MAP3K12: variants seen among roughly 807,000 people sequenced by gnomAD.
MAP3K12 encodes the protein MAPK-upstream kinase.
A neutral mutation model predicts 87.5 loss-of-function variants in MAP3K12; 14 were observed. The observed-to-expected ratio is 0.16, with a 90% CI of 0.11 to 0.25. The LOEUF (loss-of-function observed/expected upper bound fraction) is 0.25. Among genes scored for constraint, MAP3K12 ranks in the 10% least tolerant of loss-of-function variants. The pLI is 1.00. For missense variants in MAP3K12, 802 were observed against 1,140.4 expected, an observed-to-expected ratio of 0.70 and a Z score of 4.27; for synonymous variants, 469 against 452.5, an observed-to-expected ratio of 1.04 and a Z score of -0.46.
upstream of MAP3K12, chr12:53,501,523 C>G (rs1243602148): frequency 1.3e-6 from 2 of 1,548,170 alleles, no homozygotes; most frequent in Non-Finnish European, 1.7e-6. Context: ...GAGGGAGTAG[C>G]GGCGCGGCCC....
At chr12:53,501,517 G>C (rs954211634), upstream of MAP3K12, 2 of 1,549,606 alleles carry the variant, frequency 1.3e-6, no homozygotes, top group Admixed American at 2.0e-5. Context: ...CGTGCGGAGG[G>C]AGTAGCGGCG....
chr12:53,479,958 CT>C lies in MAP3K12; in HGVS notation c.*1223del, dbSNP rs1942949004. 6.6e-6 allele frequency: 1 copy of C among 152,166 alleles called. No homozygotes were observed. Among genetic ancestry groups the C allele is most frequent in the Admixed American group, 6.6e-5 (1 of 15,258 alleles). 9.4% of individuals were successfully genotyped at this position (152,166 alleles called of 1,614,324 possible). On this transcript the variant is annotated 3_prime_UTR_variant, in exon 14 of 14. Transcript: ENST00000547488. ...TAAGATGTTTTCTTCTATTTTACCA[CT>C]TCCATCTTTTTTTGTGGCCCTCGAT...
chr12:53,498,454 G>C (rs574070557), intron 1 of MAP3K12, among the ~76,000 whole-genome samples: 1 of 152,054 alleles, frequency 6.6e-6, no homozygotes, highest in African/African-American at 2.4e-5. Context: ...ACTCACCTAC[G>C]CTCCTCTGAA....
chr12:53,490,152 A>T (rs1943360255), intron 1 of MAP3K12, among the ~76,000 whole-genome samples: 1 of 152,062 alleles, frequency 6.6e-6, no homozygotes, highest in Non-Finnish European at 1.5e-5. Flanking sequence ...AAAATCTCCA[A>T]AATTAGCCGG....
chr12:53,482,386 GT>G lies in MAP3K12; in HGVS notation c.2239-18del. The stretch of plus-strand genomic sequence containing the variant: ...GCCACGTTTCTGCAGGAGAGATGGG[GT>G]GGGGGGGGTCTGATTAGAAGTGGAA... On this transcript the variant is annotated intron_variant, in intron 11 of 13. Transcript: ENST00000547488. 6.2e-7 allele frequency: 1 copy of G among 1,613,048 alleles called. No individual in the cohort carries two copies. The highest frequency in any genetic ancestry group is 8.5e-7 in the Non-Finnish European group (1 of 1,179,404).
upstream of MAP3K12, chr12:53,500,740 A>T (rs1021249730): frequency 6.5e-6 from 1 of 152,680 alleles, no homozygotes; most frequent in East Asian, 1.9e-4. Flanking sequence ...CCAGGATCCG[A>T]CGGCAGCCTC....
intron 1 of MAP3K12, among the ~76,000 whole-genome samples, chr12:53,497,109 A>G (rs1165644451): frequency 1.3e-5 from 2 of 152,212 alleles, no homozygotes; most frequent in Admixed American, 6.5e-5. Flanking sequence ...CTTTAAACAA[A>G]TTACTTAAGT....
In MAP3K12 at chr12:53,487,361, A is replaced by G; in HGVS notation, c.31T>C (p.Ser11Pro). ...GACACAAAGCCCCCAAAGGAAGGAG[A>G]GGGTGTTCGGGTCTCATGGAGGCAA... The part of the protein sequence containing the change: MACLHETRTP[S>P]PSFGGFVSTL... Residue 11 changes from serine (S) to proline (P), a missense_variant, in exon 2 of 14, where the codon TCT (serine) becomes CCT (proline). By Grantham distance (74) the Ser-to-Pro change is moderately conservative. Coordinates refer to ENST00000547488, the MANE Select transcript of MAP3K12 (RefSeq NM_001193511.2). 6.2e-7 allele frequency: 1 copy of G among 1,613,368 alleles called. No homozygotes were observed. The highest frequency in any genetic ancestry group is 8.5e-7 in the Non-Finnish European group (1 of 1,179,622).
intron 1 of MAP3K12, among the ~76,000 whole-genome samples, chr12:53,495,399 C>T (rs1366000670): frequency 1.4e-5 from 2 of 143,568 alleles, no homozygotes; most frequent in East Asian, 2.3e-4. Context: ...CCTGTAATCC[C>T]AGCAATGGAG....
chr12:53,491,364 C>T (rs1229108371), intron 1 of MAP3K12, among the ~76,000 whole-genome samples: 2 of 149,446 alleles, frequency 1.3e-5, no homozygotes, highest in South Asian at 2.1e-4. Context: ...GGTGCATTAG[C>T]ACTTTGCATA....
intron 6 of MAP3K12, 158 bp from the exon 7 acceptor site, chr12:53,484,523 A>G (rs1324239879): frequency 3.2e-6 from 2 of 617,828 alleles, no homozygotes; most frequent in African/African-American, 3.7e-5. Context: ...AGAATATTAC[A>G]CACTATTCAT....
intron 1 of MAP3K12, among the ~76,000 whole-genome samples, chr12:53,495,745 G>A (rs927035266): frequency 2.0e-5 from 3 of 151,990 alleles, no homozygotes; most frequent in African/African-American, 7.3e-5. Context: ...AGGATCCCAA[G>A]AGGAAAAGAA....
chr12:53,498,180 G>T (rs1446448343), intron 1 of MAP3K12, among the ~76,000 whole-genome samples: 1 of 152,146 alleles, frequency 6.6e-6, no homozygotes, highest in African/African-American at 2.4e-5. Flanking sequence ...TGAGATAGGA[G>T]GGAGTGGGGC....
upstream of MAP3K12, chr12:53,501,222 C>A (rs1219289795): frequency 3.0e-5 from 19 of 634,008 alleles, no homozygotes; most frequent in Non-Finnish European, 4.6e-5. Flanking sequence ...GGTTGTGGGG[C>A]GGATAGCTCC....
intron 13 of MAP3K12, 166 bp downstream of exon 13, chr12:53,481,775 A>C (rs1363980362): frequency 1.3e-6 from 1 of 778,166 alleles, no homozygotes; most frequent in African/African-American, 1.7e-5. Context: ...AGGCATCGTA[A>C]TAGATGCTCT....
intron 1 of MAP3K12, among the ~76,000 whole-genome samples, chr12:53,491,169 TC>T (rs887503399): frequency 2.0e-5 from 3 of 149,864 alleles, no homozygotes; most frequent in Non-Finnish European, 4.4e-5. Flanking sequence ...TCGCCTGTAG[TC>T]CCAGCTACTC....
intron 13 of MAP3K12, 135 bp downstream of exon 13, chr12:53,481,806 T>C (rs1943059309): frequency 9.1e-7 from 1 of 1,101,022 alleles, no homozygotes. Context: ...CTTCTGAAAT[T>C]CCACCACGTG....
chr12:53,490,261 G>A (rs1459392502), intron 1 of MAP3K12, among the ~76,000 whole-genome samples: 2 of 151,798 alleles, frequency 1.3e-5, no homozygotes, highest in Admixed American at 6.6e-5. Flanking sequence ...CCGAGATCAC[G>A]CCACTGTACT....
At chr12:53,499,162 C>G (rs1433057925) in intron 1 of MAP3K12, among the ~76,000 whole-genome samples, 1 of 151,946 alleles carries the variant, frequency 6.6e-6, no homozygotes, top group Non-Finnish European at 1.5e-5. Context: ...ATCCTCCACC[C>G]CACCCCAATA....
Sources: gnomAD v4.1 joint callset for allele counts (sites outside exome capture counted in the v4.1 genomes callset) on GRCh38, gnomAD v4.1.1 for gene constraint, MANE v1.5 for transcripts, NCBI Gene and HGNC (gene_info 2026-07-23, HGNC 2026-07-21) for gene names.